Variants in ESR1 observed in about 807,000 individuals in gnomAD.
ESR1 encodes the protein estrogen receptor 1.
A neutral mutation model predicts 52.7 loss-of-function variants in ESR1; 12 were observed. The observed-to-expected ratio is 0.23, with a 90% CI of 0.15 to 0.37. The LOEUF is 0.37. Ranked by LOEUF, ESR1 falls within the 10% of genes least tolerant of loss-of-function variation. ESR1 has a pLI of 1.00. For synonymous variants in ESR1, 305 were observed against 316.8 expected (o/e 0.96, Z 0.39); for missense variants, 584 against 779.7 (o/e 0.75, Z 2.99).
At chr6:151,661,708 C>T (rs180916869) in intron 1 of ESR1, among the ~76,000 whole-genome samples, 45 of 152,268 alleles carry the variant, frequency 3.0e-4, no homozygotes, top group South Asian at 6.2e-4. Context: ...AGGGAGCGAC[C>T]TGATGGGAAG....
intron 7 of ESR1, among the ~76,000 whole-genome samples, chr6:152,097,228 G>C (rs904941193): frequency 2.0e-5 from 3 of 151,704 alleles, no homozygotes; most frequent in Admixed American, 2.0e-4. Flanking sequence ...TCCTCACTAA[G>C]CCAATCTAAA....
chr6:152,122,190 G>C (rs2051545328), intron 6 of ESR1: 1 of 577,784 alleles, frequency 1.7e-6, no homozygotes, highest in Non-Finnish European at 3.0e-6. Flanking sequence ...AATCTCCTTA[G>C]TGCTAAGGTT....
intron 1 of ESR1, among the ~76,000 whole-genome samples, chr6:151,822,815 C>G (rs914228146): frequency 6.6e-6 from 1 of 152,168 alleles, no homozygotes; most frequent in Non-Finnish European, 1.5e-5. Context: ...TAAACAGGAA[C>G]AGTAACCTAA....
At chr6:151,825,787 C>T (rs1583494735) in intron 1 of ESR1, among the ~76,000 whole-genome samples, 1 of 151,622 alleles carries the variant, frequency 6.6e-6, no homozygotes, top group African/African-American at 2.4e-5. Context: ...TGACACGTGC[C>T]TGTAATCGAG....
chr6:151,748,517 C>T (rs942282887), intron 2 of ESR1, among the ~76,000 whole-genome samples: 1 of 152,098 alleles, frequency 6.6e-6, no homozygotes, highest in Non-Finnish European at 1.5e-5. Context: ...GTTGGTTTTG[C>T]TCTTATAAGT....
At position 152,099,251 on chromosome 6, in the gene ESR1, G is replaced by A. The variant is rs1562787667; in HGVS notation, c.*285G>A. On this transcript the variant is annotated 3_prime_UTR_variant, in exon 8 of 8. Transcript: ENST00000206249. ...AGGATTCCCGTAGCTCTTCACAGCT[G>A]AACTCAGTCTATGGGTTGGGGCTCA... 4.0e-6 allele frequency: 2 copies of A among 497,982 alleles called. No individual in the cohort carries two copies. Among genetic ancestry groups the A allele is most frequent in the East Asian group, 3.5e-5 (1 of 28,186 alleles). The allele number at this position is 497,982 out of a possible 1,614,324, so 30.8% of individuals were successfully genotyped here.
intron 6 of ESR1, among the ~76,000 whole-genome samples, chr6:152,083,474 T>C (rs1243608471): frequency 6.6e-6 from 1 of 152,158 alleles, no homozygotes; most frequent in East Asian, 1.9e-4. Context: ...TCAAGAAGGA[T>C]TAAAGACTTA....
chr6:152,051,683 A>C (rs1477096476), intron 5 of ESR1, among the ~76,000 whole-genome samples: 3 of 152,222 alleles, frequency 2.0e-5, no homozygotes, highest in African/African-American at 7.2e-5. Context: ...CCAGGTCCAC[A>C]ATTCTCTAAG....
In ESR1 at chr6:151,857,330, G is replaced by A. The variant is rs77991771; in HGVS notation, c.643+14543G>A. Among the ~76,000 whole-genome samples the A allele has an allele frequency of 6.6e-3, 1,009 of 152,060 alleles. 15 individuals carry two copies. Among genetic ancestry groups the A allele is most frequent in the African/African-American group, 0.024 (979 of 41,482 alleles). ...TTTTAAGCTATATGGGATGATGTGC[G>A]TAGGTTATATGCAAATATTATGTCA... On this transcript the variant is annotated intron_variant, in intron 2 of 7. Transcript: ENST00000206249.
chr6:151,696,628 G>A (rs1184710543), intron 1 of ESR1, among the ~76,000 whole-genome samples: 1 of 152,132 alleles, frequency 6.6e-6, no homozygotes, highest in Non-Finnish European at 1.5e-5. Flanking sequence ...GTGAGATTGA[G>A]CCTGGCATGT....
At chr6:151,718,840 C>G (rs1399067443) in intron 2 of ESR1, among the ~76,000 whole-genome samples, 3 of 152,152 alleles carry the variant, frequency 2.0e-5, no homozygotes, top group Non-Finnish European at 2.9e-5. Context: ...CTATTTGTGG[C>G]TCTACCTTTT....
intron 1 of ESR1, chr6:151,809,282 C>A: frequency 2.7e-6 from 1 of 367,204 alleles, no homozygotes; most frequent in Non-Finnish European, 5.9e-6. Context: ...GTTGTGTGTC[C>A]TCATTTTAAT....
At chr6:151,675,732 C>T (rs543637791) in intron 1 of ESR1, among the ~76,000 whole-genome samples, 1 of 152,286 alleles carries the variant, frequency 6.6e-6, no homozygotes, top group African/African-American at 2.4e-5. Flanking sequence ...TGATCATTTG[C>T]TTGTTAGCAT....
intron 2 of ESR1, among the ~76,000 whole-genome samples, chr6:151,723,424 TC>T (rs1335152080): frequency 6.6e-6 from 1 of 152,240 alleles, no homozygotes; most frequent in Non-Finnish European, 1.5e-5. Context: ...TTAGGGGATT[TC>T]CCCATTGAAC....
At position 151,969,575 on chromosome 6, in the gene ESR1, G is replaced by A. The variant is rs1027793573; in HGVS notation, c.1096+25067G>A. Among the ~76,000 whole-genome samples the A allele has an allele frequency of 5.3e-5, 8 of 152,198 alleles. No individual in the cohort carries two copies. In the South Asian group the frequency reaches 8.3e-4, roughly 16 times the overall value. On this transcript the variant is annotated intron_variant, in intron 4 of 7. Transcript: ENST00000206249. ...TGGTGGCATAACTTCTCCATTTGCA[G>A]TGCTGTGGCTGTGGTGGGATCTGAA...
chr6:151,728,385 A>G (rs763724475), intron 2 of ESR1, among the ~76,000 whole-genome samples: 5 of 152,252 alleles, frequency 3.3e-5, no homozygotes, highest in Non-Finnish European at 5.9e-5. Flanking sequence ...TCAACTGAAC[A>G]TTGAAAAATG....
intron 5 of ESR1, among the ~76,000 whole-genome samples, chr6:152,029,968 G>A (rs566027301): frequency 2.0e-5 from 3 of 152,350 alleles, no homozygotes; most frequent in African/African-American, 7.2e-5. Flanking sequence ...CAAGCCAGAA[G>A]AGAGTGGGGG....
At position 151,899,211 on chromosome 6, in the gene ESR1, C is replaced by T. The variant is rs1252609196; in HGVS notation, c.760+18440C>T. On this transcript the variant is annotated intron_variant, in intron 3 of 7. Transcript: ENST00000206249. ...CCCAGTAGGGGCAGCTGGGCAGAGG[C>T]GCCCCTCACCTCCCGGACTGGGCAG... Among the ~76,000 whole-genome samples, 18 of 142,740 alleles carry T rather than the reference C, an allele frequency of 1.3e-4. No individual in the cohort carries two copies. The East Asian group carries it at 2.0e-3, about 16-fold the overall frequency. The allele number at this position is 142,740 out of a possible 152,430, so 93.6% of individuals were successfully genotyped here. A position where few individuals can be genotyped will look rare whatever the true frequency, so the allele number is the denominator to read the frequency against.
chr6:152,107,745 G>T (rs2051083239), downstream of ESR1, among the ~76,000 whole-genome samples: 1 of 152,086 alleles, frequency 6.6e-6, no homozygotes, highest in Admixed American at 6.5e-5. Flanking sequence ...CCTGCTTGTT[G>T]CTACTGCTTG....
Sources: allele counts gnomAD v4.1 joint callset (sites outside exome capture counted in the v4.1 genomes callset), GRCh38; gene constraint gnomAD v4.1.1; transcripts MANE v1.5; gene names NCBI Gene and HGNC (gene_info 2026-07-23, HGNC 2026-07-21).